Variants in DOCK1 observed in about 807,000 individuals in gnomAD.
DOCK1 encodes the protein dedicator of cytokinesis protein 1.
A neutral mutation model predicts 262.7 loss-of-function variants in DOCK1; 138 were observed. The observed-to-expected ratio is 0.53, with a 90% CI of 0.46 to 0.61. The LOEUF (loss-of-function observed/expected upper bound fraction) is 0.61, where lower values mean the gene tolerates loss of function less well. DOCK1 is among the 20% of genes least tolerant of loss of function. The pLI is 0.00. For synonymous variants in DOCK1, 866 were observed against 867.4 expected (o/e 1.00, Z 0.03); for missense variants, 1,908 against 2,370.7 (o/e 0.80, Z 4.05).
chr10:127,377,580 T>C (rs978588815), intron 35 of DOCK1, among the ~76,000 whole-genome samples: 2 of 152,126 alleles, frequency 1.3e-5, no homozygotes, highest in Non-Finnish European at 2.9e-5. Context: ...GGCTCCTTCA[T>C]GTCCTATTTT....
At chr10:127,097,484 A>T (rs1452278294) in intron 23 of DOCK1, among the ~76,000 whole-genome samples, 1 of 152,074 alleles carries the variant, frequency 6.6e-6, no homozygotes, top group African/African-American at 2.4e-5. Context: ...GGGAGCCCTT[A>T]TGCATTTGGT....
At chr10:127,097,571 A>G (rs1309364831) in intron 23 of DOCK1, among the ~76,000 whole-genome samples, 1 of 152,132 alleles carries the variant, frequency 6.6e-6, no homozygotes. Context: ...TTGGTGTGTC[A>G]GTGGGTCCTG....
intron 12 of DOCK1, among the ~76,000 whole-genome samples, chr10:127,017,058 CAG>C (rs2042005928): frequency 1.3e-5 from 1 of 78,138 alleles, no homozygotes; most frequent in Non-Finnish European, 2.5e-5. Flanking sequence ...CACACACACA[CAG>C]ATGCAGACAC....
intron 40 of DOCK1, among the ~76,000 whole-genome samples, chr10:127,407,056 C>T: frequency 6.6e-6 from 1 of 151,708 alleles, no homozygotes; most frequent in East Asian, 1.9e-4. Flanking sequence ...AGAAATAGAG[C>T]ATTTTTCTTC....
chr10:127,040,495 G>A (rs377672195), intron 19 of DOCK1, among the ~76,000 whole-genome samples: 113 of 152,288 alleles, frequency 7.4e-4, no homozygotes, highest in Non-Finnish European at 1.2e-3. Flanking sequence ...GGGCATGCTG[G>A]ACATCCTCTC....
intron 1 of DOCK1, among the ~76,000 whole-genome samples, chr10:126,941,610 G>T: frequency 6.6e-6 from 1 of 152,172 alleles, no homozygotes; most frequent in African/African-American, 2.4e-5. Context: ...CAAAAAATTA[G>T]CCAGGCGTGG....
intron 46 of DOCK1, among the ~76,000 whole-genome samples, chr10:127,420,856 C>T (rs1231227073): frequency 1.3e-5 from 2 of 151,486 alleles, no homozygotes; most frequent in African/African-American, 4.9e-5. Flanking sequence ...AAAAAAGGAA[C>T]AGGGCAAGGC....
At chr10:127,273,078 T>C (rs1218497460) in intron 29 of DOCK1, among the ~76,000 whole-genome samples, 1 of 152,180 alleles carries the variant, frequency 6.6e-6, no homozygotes, top group Non-Finnish European at 1.5e-5. Context: ...CCTTTCCTCT[T>C]CTGTTCTGTG....
At chr10:126,948,836 C>A (rs1223310230) in intron 1 of DOCK1, among the ~76,000 whole-genome samples, 1 of 152,056 alleles carries the variant, frequency 6.6e-6, no homozygotes, top group Non-Finnish European at 1.5e-5. Context: ...AACCTTGCCC[C>A]CTATGCCTTT....
chr10:127,358,968 G>A (rs1006145003), intron 32 of DOCK1, among the ~76,000 whole-genome samples: 1 of 152,166 alleles, frequency 6.6e-6, no homozygotes, highest in Non-Finnish European at 1.5e-5. Context: ...TATGAGACCG[G>A]CAAGGACTGG....
At chr10:127,223,403 T>C (rs750497838) in intron 27 of DOCK1, among the ~76,000 whole-genome samples, 5 of 152,176 alleles carry the variant, frequency 3.3e-5, no homozygotes, top group Non-Finnish European at 5.9e-5. Flanking sequence ...TACCTTCAAT[T>C]TCTACTTACT....
Position 127,175,038 on chromosome 10 carries a change from G to A in DOCK1, c.2847+47274G>A, listed in dbSNP as rs1316087296. On this transcript the variant is annotated intron_variant, in intron 27 of 51. Transcript: ENST00000623213. This position sits in a 1 kb window ranked among gnomAD's most constrained non-coding sequence, Gnocchi z 6.3. ...AGCGTATCGTGCAGGATGCAGTGAC[G>A]TCTAGTATCATAAAATAATCTGCGA... Among the ~76,000 whole-genome samples the A allele has an allele frequency of 3.3e-5, 5 of 152,184 alleles. No homozygotes were observed. The highest frequency in any genetic ancestry group is 2.1e-4 in the South Asian group (1 of 4,830).
At chr10:127,232,333 G>C (rs1204657825) in intron 27 of DOCK1, among the ~76,000 whole-genome samples, 1 of 152,138 alleles carries the variant, frequency 6.6e-6, no homozygotes, top group Non-Finnish European at 1.5e-5. Context: ...TATATTTAGA[G>C]AGGGTGCTGT....
intron 16 of DOCK1, among the ~76,000 whole-genome samples, chr10:127,028,973 C>G (rs569701099): frequency 2.7e-4 from 41 of 152,184 alleles, no homozygotes; most frequent in Non-Finnish European, 5.1e-4. Flanking sequence ...ACAGAGGACT[C>G]GTCTCAAAAT....
chr10:126,981,147 C>T (rs2038944246), intron 3 of DOCK1, among the ~76,000 whole-genome samples: 1 of 152,088 alleles, frequency 6.6e-6, no homozygotes, highest in Non-Finnish European at 1.5e-5. Context: ...GGGGTTTCAC[C>T]ATGTTGGCCA....
chr10:127,085,399 A>T (rs1202354414), intron 23 of DOCK1, among the ~76,000 whole-genome samples: 1 of 152,232 alleles, frequency 6.6e-6, no homozygotes, highest in African/African-American at 2.4e-5. Flanking sequence ...GAATTGCATT[A>T]TCCATCAGTT....
intron 1 of DOCK1, among the ~76,000 whole-genome samples, chr10:126,938,246 C>T (rs2034690220): frequency 6.6e-6 from 1 of 152,150 alleles, no homozygotes; most frequent in African/African-American, 2.4e-5. Flanking sequence ...CAGGGTTTCT[C>T]CATGTTGGTC....
chr10:127,292,476 G>A (rs1240411848), intron 29 of DOCK1, among the ~76,000 whole-genome samples: 2 of 152,154 alleles, frequency 1.3e-5, no homozygotes, highest in African/African-American at 4.8e-5. Flanking sequence ...AAGGGAGATG[G>A]GCCACCAGTG....
At chr10:127,378,920 C>T (rs564018946) in intron 35 of DOCK1, among the ~76,000 whole-genome samples, 1 of 152,296 alleles carries the variant, frequency 6.6e-6, no homozygotes, top group South Asian at 2.1e-4. Flanking sequence ...TAAATGTGCC[C>T]CCGCTTATTT....
Sources: allele counts gnomAD v4.1 joint callset (sites outside exome capture counted in the v4.1 genomes callset), GRCh38; gene constraint gnomAD v4.1.1; non-coding constraint Gnocchi (gnomAD v3.1); transcripts MANE v1.5; gene names NCBI Gene and HGNC (gene_info 2026-07-23, HGNC 2026-07-21).